RTN1: variants seen among roughly 807,000 people sequenced by gnomAD.
RTN1 encodes reticulon 1.
RTN1 carries 25 observed loss-of-function variants against 65.5 expected under a neutral mutation model. That is an observed-to-expected ratio of 0.38 (90% CI 0.28 to 0.53). RTN1 has a LOEUF of 0.53. Ranked by LOEUF, RTN1 falls within the 20% of genes least tolerant of loss-of-function variation. The probability of loss-of-function intolerance (pLI) is 0.79; values close to 1 mark genes in which losing one functional copy is unlikely to be tolerated. For synonymous variants in RTN1, 471 were observed against 447.6 expected (o/e 1.05, Z -0.66); for missense variants, 983 against 1,025.4 (o/e 0.96, Z 0.57).
At chr14:59,693,775 A>G (rs77530937) in intron 3 of RTN1, among the ~76,000 whole-genome samples, 241 of 152,304 alleles carry the variant, frequency 1.6e-3, no homozygotes, top group African/African-American at 5.5e-3. Context: ...CTGCTGTCCA[A>G]AGTTTTCTCC....
intron 1 of RTN1, among the ~76,000 whole-genome samples, chr14:59,835,878 T>C (rs138045619): frequency 1.3e-5 from 2 of 152,332 alleles, no homozygotes; most frequent in East Asian, 1.9e-4. Context: ...ATAACACACA[T>C]TTATTATCTT....
intron 3 of RTN1, among the ~76,000 whole-genome samples, chr14:59,641,006 A>C (rs557032293): frequency 6.6e-6 from 1 of 152,034 alleles, no homozygotes; most frequent in Non-Finnish European, 1.5e-5. Flanking sequence ...TGTTGCCCAC[A>C]CTGAAGTGCA....
In RTN1 at chr14:59,750,245, C is replaced by A. The variant is rs182518694; in HGVS notation, c.242-3764G>T. ...TATATCTATAATATATATATTATAT[C>A]TATAATATATAATATATATAATATC... On this transcript the variant is annotated intron_variant, in intron 1 of 8. Coordinates refer to ENST00000267484, the MANE Select transcript of RTN1 (RefSeq NM_021136.3). Among the ~76,000 whole-genome samples the A allele has an allele frequency of 1.3e-3, 50 of 39,974 alleles. 3 individuals are homozygous for A. The highest frequency in any genetic ancestry group is 0.024 in the Middle Eastern group (1 of 42). 26.2% of individuals were successfully genotyped at this position (39,974 alleles called of 152,430 possible). A position where few individuals can be genotyped will look rare whatever the true frequency, so the allele number is the denominator to read the frequency against.
At chr14:59,643,351 C>G (rs1882822845) in intron 3 of RTN1, among the ~76,000 whole-genome samples, 1 of 152,220 alleles carries the variant, frequency 6.6e-6, no homozygotes, top group African/African-American at 2.4e-5. Flanking sequence ...TCCTGAGTAG[C>G]TGGGATTACA....
intron 3 of RTN1, among the ~76,000 whole-genome samples, chr14:59,718,744 C>A (rs1214686170): frequency 1.3e-5 from 2 of 152,192 alleles, no homozygotes; most frequent in African/African-American, 4.8e-5. Context: ...AAAACGAGTT[C>A]AATGACTAAT....
chr14:59,632,941 A>C (rs556952500), intron 3 of RTN1, among the ~76,000 whole-genome samples: 1 of 150,988 alleles, frequency 6.6e-6, no homozygotes, highest in East Asian at 1.9e-4. Context: ...AAAAAAATAC[A>C]AAAAAAAAAT....
intron 3 of RTN1, among the ~76,000 whole-genome samples, chr14:59,663,261 T>A (rs1174140195): frequency 6.6e-6 from 1 of 152,070 alleles, no homozygotes; most frequent in African/African-American, 2.4e-5. Flanking sequence ...ATACAAAAGT[T>A]AACTCGAGAT....
chr14:59,774,558 C>T lies in RTN1; in HGVS notation c.242-28077G>A, dbSNP rs1886015528. 6.6e-6 allele frequency among the ~76,000 whole-genome samples: 1 copy of T among 150,554 alleles called. No homozygotes were observed. The highest frequency in any genetic ancestry group is 2.1e-4 in the South Asian group (1 of 4,832). The stretch of plus-strand genomic sequence containing the variant: ...CTGATCAAAATCAGTTCAAAATAGT[C>T]CAGTTCTTTAATTTGCTTTCTCCTC... On this transcript the variant is annotated intron_variant, in intron 1 of 8. Coordinates refer to ENST00000267484, the MANE Select transcript of RTN1 (RefSeq NM_021136.3). The surrounding 1 kb of genome is among the most constrained non-coding windows in gnomAD (Gnocchi z 5.1).
intron 1 of RTN1, among the ~76,000 whole-genome samples, chr14:59,770,378 CAAAAAAAAAAAA>C (rs774086177): frequency 1.9e-5 from 1 of 53,752 alleles, no homozygotes; most frequent in East Asian, 5.8e-4. Context: ...AACTCTGCCT[CAAAAAAAAAAAA>C]AAAAAAAAAA....
intron 3 of RTN1, among the ~76,000 whole-genome samples, chr14:59,705,053 C>A (rs1884261952): frequency 6.6e-6 from 1 of 152,160 alleles, no homozygotes. Context: ...GGATTTAAAT[C>A]TTTCCTTTGT....
At chr14:59,611,318 G>C (rs1230083471) in intron 3 of RTN1, among the ~76,000 whole-genome samples, 2 of 152,200 alleles carry the variant, frequency 1.3e-5, no homozygotes, top group Non-Finnish European at 2.9e-5. Flanking sequence ...TCTTGGACTG[G>C]CGGCTGACTC....
chr14:59,678,728 T>C (rs1456754467), intron 3 of RTN1, among the ~76,000 whole-genome samples: 1 of 152,184 alleles, frequency 6.6e-6, no homozygotes, highest in Non-Finnish European at 1.5e-5. Context: ...TTAGGCTCAC[T>C]GGTGTGGAAG....
rs931775794 is a variant in RTN1, at chr14:59,596,414, G to T, written c.*331C>A. ...AAAGGCCTAGCCACGGGGAACATTA[G>T]AAGCTACAGAAGCATTGCAGAGAAG... On this transcript the variant is annotated 3_prime_UTR_variant, in exon 9 of 9. Transcript: ENST00000267484. 1.6e-5 allele frequency: 3 copies of T among 190,496 alleles called. No individual in the cohort carries two copies. The highest frequency in any genetic ancestry group is 1.1e-4 in the Admixed American group (2 of 17,462). The allele number at this position is 190,496 out of a possible 1,614,324, so 11.8% of individuals were successfully genotyped here.
At chr14:59,682,926 G>A (rs144432080) in intron 3 of RTN1, among the ~76,000 whole-genome samples, 23 of 152,214 alleles carry the variant, frequency 1.5e-4, no homozygotes, top group African/African-American at 5.5e-4. Flanking sequence ...ATTTAAGAGT[G>A]CAGGCAAAAG....
At chr14:59,689,291 T>A (rs2140226959) in intron 3 of RTN1, among the ~76,000 whole-genome samples, 1 of 152,212 alleles carries the variant, frequency 6.6e-6, no homozygotes, top group South Asian at 2.1e-4. Flanking sequence ...GTGAACAAAG[T>A]CTTTTAGAAA....
rs1192096922 is a variant in RTN1, at chr14:59,749,256, CTATATATATCTATATATATATCTATATA to C, written c.242-2803_242-2776del. On this transcript the variant is annotated intron_variant, in intron 1 of 8. Transcript: ENST00000267484. ...TATATATCTATATATATCTATATATCTATATATATCTATATATATATCTATATATATCTATATATATCTATATATATCT... is the reference window on the plus strand; with the variant it reads ...TATATATCTATATATATCTATATATCTATCTATATATATCTATATATATCT... Among the ~76,000 whole-genome samples, 3 of 33,908 alleles carry C rather than the reference CTATATATATCTATATATATATCTATATA, an allele frequency of 8.8e-5. 1 individual carries two copies. Among genetic ancestry groups the C allele is most frequent in the African/African-American group, 7.2e-4 (3 of 4,190 alleles). The allele number at this position is 33,908 out of a possible 152,430, so 22.2% of individuals were successfully genotyped here. A position where few individuals can be genotyped will look rare whatever the true frequency, so the allele number is the denominator to read the frequency against.
At chr14:59,704,660 G>C (rs1284919099) in intron 3 of RTN1, among the ~76,000 whole-genome samples, 6 of 152,192 alleles carry the variant, frequency 3.9e-5, no homozygotes, top group Non-Finnish European at 5.9e-5. Flanking sequence ...AAGGAAATTG[G>C]AGAAACAATC....
At chr14:59,867,702 AAC>A (rs1443822669) in intron 1 of RTN1, among the ~76,000 whole-genome samples, 1 of 152,326 alleles carries the variant, frequency 6.6e-6, no homozygotes, top group South Asian at 2.1e-4. Context: ...TTTTCAGAAA[AAC>A]AGTTATTAAA....
intron 1 of RTN1, among the ~76,000 whole-genome samples, chr14:59,749,704 T>TAG (rs1885389732): frequency 8.5e-5 from 7 of 82,350 alleles, no homozygotes; most frequent in East Asian, 5.9e-4. Context: ...TATATCTATA[T>TAG]ATATCTATAT....
Sources: allele counts gnomAD v4.1 joint callset (sites outside exome capture counted in the v4.1 genomes callset), GRCh38; gene constraint gnomAD v4.1.1; non-coding constraint Gnocchi (gnomAD v3.1); transcripts MANE v1.5; gene names NCBI Gene and HGNC (gene_info 2026-07-23, HGNC 2026-07-21).